The following ST8SIA5 variants were observed in gnomAD, a reference collection of about 807,000 sequenced individuals.
ST8SIA5 encodes the protein ST8 alpha-N-acetyl-neuraminide alpha-2,8-sialyltransferase 5.
In ST8SIA5, 24 loss-of-function variants were observed where a neutral mutation model predicts 40.2. The ratio of observed to expected loss-of-function variants is 0.60; its 90% CI spans 0.43 to 0.84. The LOEUF is 0.84. ST8SIA5 is among the 40% of genes least tolerant of loss of function. The pLI, the probability that ST8SIA5 is intolerant of heterozygous loss-of-function variation, is 0.00. For missense variants in ST8SIA5, 465 were observed against 498.5 expected (o/e 0.93, Z 0.64); for synonymous variants, 198 against 201.8 (o/e 0.98, Z 0.16).
intron 2 of ST8SIA5, among the ~76,000 whole-genome samples, chr18:46,698,706 G>C (rs1400450893): frequency 2.0e-5 from 3 of 152,218 alleles, no homozygotes; most frequent in Non-Finnish European, 4.4e-5. Flanking sequence ...CACAAAAGAA[G>C]CTATAGGTTC....
chr18:46,718,329 C>A (rs74718355), intron 1 of ST8SIA5, among the ~76,000 whole-genome samples: 473 of 128,490 alleles, frequency 3.7e-3, no homozygotes, highest in Non-Finnish European at 4.1e-3. Context: ...AACTCTGTCT[C>A]AAAAAAAAAA....
chr18:46,739,248 A>G (rs1465940706), intron 1 of ST8SIA5, among the ~76,000 whole-genome samples: 1 of 152,186 alleles, frequency 6.6e-6, no homozygotes, highest in East Asian at 1.9e-4. Flanking sequence ...CATGCGTAAA[A>G]GACCCTTCAC....
chr18:46,722,780 T>C (rs538366993), intron 1 of ST8SIA5, among the ~76,000 whole-genome samples: 8 of 152,306 alleles, frequency 5.3e-5, no homozygotes, highest in African/African-American at 1.9e-4. Context: ...GGGGGCAAAA[T>C]TGCCCCAGTT....
Position 46,692,306 on chromosome 18 carries a change from C to T in ST8SIA5, c.225-51G>A, listed in dbSNP as rs1462476583. On this transcript the variant is annotated intron_variant, in intron 2 of 6. Coordinates refer to ENST00000315087, the MANE Select transcript of ST8SIA5 (RefSeq NM_013305.6). ...CATGAGCAGGGTAGGCGGGACAGAG[C>T]GCGATCATTCCCAGAAATGCTCCCT... 8.4e-6 allele frequency: 13 copies of T among 1,551,926 alleles called. No homozygotes were observed. The East Asian group carries it at 9.0e-5, about 11-fold the overall frequency.
intron 1 of ST8SIA5, among the ~76,000 whole-genome samples, chr18:46,719,726 C>CTT (rs375255602): frequency 2.2e-4 from 32 of 146,574 alleles, no homozygotes; most frequent in African/African-American, 6.6e-4. Flanking sequence ...TTCTCTCTTT[C>CTT]TCTCTCTTCT....
chr18:46,686,833 A>G (rs923464377), intron 4 of ST8SIA5, among the ~76,000 whole-genome samples: 1 of 151,312 alleles, frequency 6.6e-6, no homozygotes, highest in African/African-American at 2.4e-5. Context: ...AAAAAAAAAA[A>G]TAGTCATTTT....
At chr18:46,732,678 G>A (rs914965982) in intron 1 of ST8SIA5, among the ~76,000 whole-genome samples, 4 of 152,214 alleles carry the variant, frequency 2.6e-5, no homozygotes, top group Non-Finnish European at 5.9e-5. Context: ...CACAAACGTT[G>A]CTATTTAACT....
chr18:46,746,956 A>C (rs2040146732), intron 1 of ST8SIA5, among the ~76,000 whole-genome samples: 1 of 152,212 alleles, frequency 6.6e-6, no homozygotes, highest in African/African-American at 2.4e-5. Context: ...CCTGACAAAA[A>C]CAAGAAATCG....
chr18:46,694,587 C>T (rs2039538087), intron 2 of ST8SIA5, among the ~76,000 whole-genome samples: 4 of 152,090 alleles, frequency 2.6e-5, no homozygotes. Flanking sequence ...GGTGCTGGTG[C>T]AGACAGGAGC....
intron 1 of ST8SIA5, among the ~76,000 whole-genome samples, chr18:46,739,859 T>C (rs922062535): frequency 6.6e-6 from 1 of 152,134 alleles, no homozygotes; most frequent in East Asian, 1.9e-4. Flanking sequence ...CCAGGGCATA[T>C]ACCTCTTCCA....
In ST8SIA5 at chr18:46,680,396, G is replaced by T. The variant is rs2144456229; in HGVS notation, c.777C>A (p.Ile259=). ...FYNTRNTDVS[I]RVKYVLDDFE... ...AGTCGTCCAGCACGTACTTGACGCG[G>T]ATGGACACGTCGGTGTTGCGCGTGT... The change falls in exon 7 of 7, where the codon ATC becomes ATA. Residue 259 remains isoleucine, a synonymous_variant. Coordinates refer to ENST00000315087, the MANE Select transcript of ST8SIA5 (RefSeq NM_013305.6). 1 of 1,613,842 alleles carries T rather than the reference G, an allele frequency of 6.2e-7. No individual in the cohort carries two copies. The highest frequency in any genetic ancestry group is 1.7e-5 in the Admixed American group (1 of 59,968).
At chr18:46,719,365 T>G (rs2039827950) in intron 1 of ST8SIA5, among the ~76,000 whole-genome samples, 3 of 147,576 alleles carry the variant, frequency 2.0e-5, no homozygotes, top group Non-Finnish European at 3.0e-5. Flanking sequence ...AGAAAGGGAG[T>G]AGGGAAGCAA....
intron 1 of ST8SIA5, among the ~76,000 whole-genome samples, chr18:46,740,218 G>A (rs1398715646): frequency 6.6e-6 from 1 of 152,032 alleles, no homozygotes; most frequent in African/African-American, 2.4e-5. Flanking sequence ...AGATGCATTC[G>A]TCAGCCAATC....
chr18:46,739,274 G>A (rs1036313530), intron 1 of ST8SIA5, among the ~76,000 whole-genome samples: 2 of 152,322 alleles, frequency 1.3e-5, no homozygotes, highest in African/African-American at 4.8e-5. Context: ...GGGTGTGGTG[G>A]CTCATGCCTG....
chr18:46,713,826 C>T (rs1331411115), intron 1 of ST8SIA5, among the ~76,000 whole-genome samples: 1 of 152,148 alleles, frequency 6.6e-6, no homozygotes, highest in Non-Finnish European at 1.5e-5. Flanking sequence ...GAGAAGGGAA[C>T]AGATGCCCCT....
intron 2 of ST8SIA5, 43 bp downstream of exon 2, chr18:46,704,529 C>T (rs777140286): frequency 1.3e-6 from 2 of 1,555,102 alleles, no homozygotes; most frequent in East Asian, 4.5e-5. Context: ...CCCTGCCCCA[C>T]CTCCACATGC....
chr18:46,738,592 C>T (rs1363187892), intron 1 of ST8SIA5, among the ~76,000 whole-genome samples: 1 of 152,138 alleles, frequency 6.6e-6, no homozygotes, highest in Non-Finnish European at 1.5e-5. Flanking sequence ...TTGCTCTGAC[C>T]AGCGAAACTG....
intron 1 of ST8SIA5, among the ~76,000 whole-genome samples, chr18:46,712,286 C>A (rs1191271400): frequency 6.6e-6 from 1 of 152,116 alleles, no homozygotes; most frequent in Non-Finnish European, 1.5e-5. Context: ...GGACTTTGAC[C>A]ACCATGCCCA....
chr18:46,701,277 A>C (rs1020033413), intron 2 of ST8SIA5, among the ~76,000 whole-genome samples: 1 of 151,200 alleles, frequency 6.6e-6, no homozygotes, highest in South Asian at 2.1e-4. Context: ...AGTAGCTGGG[A>C]TTACAGGTGC....
Sources: gnomAD v4.1 joint callset for allele counts (sites outside exome capture counted in the v4.1 genomes callset) on GRCh38, gnomAD v4.1.1 for gene constraint, MANE v1.5 for transcripts, NCBI Gene and HGNC (gene_info 2026-07-23, HGNC 2026-07-21) for gene names.